CALD1: variants seen among roughly 807,000 people sequenced by gnomAD.
The protein encoded by CALD1 is caldesmon 1.
In CALD1, 33 loss-of-function variants were observed where a neutral mutation model predicts 99.9. The ratio of observed to expected loss-of-function variants is 0.33; its 90% CI spans 0.25 to 0.44. The LOEUF is 0.44. Among genes scored for constraint, CALD1 ranks in the 20% least tolerant of loss-of-function variants. The probability of loss-of-function intolerance (pLI) is 1.00; values close to 1 mark genes in which losing one functional copy is unlikely to be tolerated. For missense variants in CALD1, 861 were observed against 962.1 expected (o/e 0.89, Z 1.39); for synonymous variants, 310 against 325.0 (o/e 0.95, Z 0.50).
At chr7:134,750,697 T>C (rs12539128) in intron 1 of CALD1, among the ~76,000 whole-genome samples, 101,081 of 151,928 alleles carry the variant, frequency 0.67, 34,254 homozygotes, top group East Asian at 0.99. Flanking sequence ...TTGAATTTTT[T>C]CATCACCACT....
chr7:134,764,733 G>A (rs1432003277), intron 1 of CALD1, among the ~76,000 whole-genome samples: 1 of 152,036 alleles, frequency 6.6e-6, no homozygotes, highest in Non-Finnish European at 1.5e-5. Context: ...CTGGGTGCTG[G>A]GATTTTAGAG....
rs372301863 is a variant in CALD1 at position 134,933,557 on chromosome 7, A to C, written c.788A>C (p.Glu263Ala). 8 of 1,613,802 alleles carry C rather than the reference A, an allele frequency of 5.0e-6. No individual in the cohort carries two copies. The highest frequency in any genetic ancestry group is 1.7e-4 in the Middle Eastern group (1 of 6,060). ...GAAAAGATGGAAGAGGAAGACAAGG[A>C]AAGAGCTGAGGCAGAGAGGGCAAGG... ...HHEKMEEEDK[E>A]RAEAERARLE... The change falls in exon 5 of 15, where the codon GAA becomes GCA. Residue 263 changes from glutamate (E) to alanine (A), a missense_variant. Glu to Ala is a moderately radical substitution (Grantham distance 107, BLOSUM62 -1). Transcript: ENST00000361675.
At position 134,847,445 on chromosome 7, in the gene CALD1, T is replaced by A. The variant is rs568034578; in HGVS notation, c.-42+3474T>A. 3.9e-5 allele frequency among the ~76,000 whole-genome samples: 6 copies of A among 152,294 alleles called. No individual in the cohort carries two copies. The East Asian group carries it at 1.2e-3, about 30-fold the overall frequency. On this transcript the variant is annotated intron_variant, in intron 2 of 14. Transcript: ENST00000361675. ...AAGGTCTGGAATCCACTCCCTTCCC[T>A]GGGAGTCTCCTCTCAAGGAGACCAC...
intron 2 of CALD1, among the ~76,000 whole-genome samples, chr7:134,859,141 T>C (rs1332766910): frequency 6.6e-6 from 1 of 152,208 alleles, no homozygotes; most frequent in Non-Finnish European, 1.5e-5. Flanking sequence ...CCACTTCTTC[T>C]CCCTGGCTTT....
chr7:134,899,409 G>A (rs1802819526), intron 3 of CALD1, among the ~76,000 whole-genome samples: 1 of 151,992 alleles, frequency 6.6e-6, no homozygotes, highest in African/African-American at 2.4e-5. Context: ...CACCATGTTG[G>A]CCACGCTGGT....
At position 134,935,573 on chromosome 7, in the gene CALD1, G is replaced by A. The variant is rs117548488; in HGVS notation, c.1309-115G>A. The A allele has an allele frequency of 7.4e-6, 11 of 1,488,994 alleles. 1 individual carries two copies. In the South Asian group the frequency reaches 1.3e-4, roughly 18 times the overall value. The allele number at this position is 1,488,994 out of a possible 1,614,324, so 92.2% of individuals were successfully genotyped here. A position where few individuals can be genotyped will look rare whatever the true frequency, so the allele number is the denominator to read the frequency against. Reference sequence around the variant, plus strand: ...CTGTGCTGTGAGCGCTGAGACGGCAGAAGAGAAGCCATCCCACGCAGCACT... The same window carrying A: ...CTGTGCTGTGAGCGCTGAGACGGCAAAAGAGAAGCCATCCCACGCAGCACT... On this transcript the variant is annotated intron_variant, in intron 5 of 14. Transcript: ENST00000361675.
At chr7:134,882,353 G>T (rs28517513) in intron 3 of CALD1, among the ~76,000 whole-genome samples, 32,211 of 152,004 alleles carry the variant, frequency 0.21, 3,612 homozygotes, top group Non-Finnish European at 0.25. Context: ...GTATTTTTTT[G>T]ATTATTAAGG....
chr7:134,743,061 G>T (rs559332485), upstream of CALD1, among the ~76,000 whole-genome samples: 1 of 152,274 alleles, frequency 6.6e-6, no homozygotes, highest in Admixed American at 6.5e-5. Context: ...AAAGATTTTT[G>T]TTTCTTTCCT....
At chr7:134,805,016 C>T (rs1004234560) in intron 1 of CALD1, among the ~76,000 whole-genome samples, 2 of 152,078 alleles carry the variant, frequency 1.3e-5, no homozygotes, top group Non-Finnish European at 2.9e-5. Context: ...GCTGATTGGT[C>T]GGGTCGGAGA....
chr7:134,912,981 G>A (rs975557608), intron 3 of CALD1, among the ~76,000 whole-genome samples: 12 of 151,970 alleles, frequency 7.9e-5, no homozygotes, highest in Middle Eastern at 3.2e-3. Flanking sequence ...AAAATTAAGC[G>A]GGGCTGAGCG....
chr7:134,958,199 A>G lies in CALD1; in HGVS notation c.1980-10A>G, dbSNP rs778931924. ...CTCATATTTTTATATGTATGTGTTT[A>G]CTTTTTTAGCAGTGGTGTCAAATCG... On this transcript the variant is annotated splice_polypyrimidine_tract_variant and intron_variant, in intron 10 of 14. Coordinates refer to ENST00000361675, the MANE Select transcript of CALD1 (RefSeq NM_033138.4). 11 of 1,613,604 alleles carry G rather than the reference A, an allele frequency of 6.8e-6. No homozygotes were observed. In the Admixed American group the frequency reaches 1.8e-4, roughly 27 times the overall value.
At chr7:134,882,986 G>A (rs1801678130) in intron 3 of CALD1, among the ~76,000 whole-genome samples, 1 of 152,128 alleles carries the variant, frequency 6.6e-6, no homozygotes, top group Non-Finnish European at 1.5e-5. Flanking sequence ...GGAAGAAGGA[G>A]GAGGAGTATT....
chr7:134,871,159 G>T (rs1801055554), intron 3 of CALD1, among the ~76,000 whole-genome samples: 1 of 151,666 alleles, frequency 6.6e-6, no homozygotes. Context: ...TCTCGCTTTT[G>T]GTATTATTGA....
chr7:134,945,106 G>C (rs774823338), intron 7 of CALD1, among the ~76,000 whole-genome samples: 23 of 152,292 alleles, frequency 1.5e-4, no homozygotes, highest in Non-Finnish European at 3.2e-4. Context: ...CATTCTGTCT[G>C]AAGTCTTAAT....
the CALD1 span, among the ~76,000 whole-genome samples, chr7:134,731,180 CTT>C: frequency 6.6e-6 from 1 of 152,150 alleles, no homozygotes; most frequent in Admixed American, 6.5e-5. Flanking sequence ...CTCTCTCTCT[CTT>C]ACCCTCTCTT....
chr7:134,719,587 CGGTAGTT>C, the CALD1 span, among the ~76,000 whole-genome samples: 1 of 152,100 alleles, frequency 6.6e-6, no homozygotes, highest in African/African-American at 2.4e-5. Flanking sequence ...GGAAAGAAAC[CGGTAGTT>C]TGCGAGGGGG....
At chr7:134,892,505 G>A (rs962263164) in intron 3 of CALD1, among the ~76,000 whole-genome samples, 1 of 152,162 alleles carries the variant, frequency 6.6e-6, no homozygotes, top group Admixed American at 6.5e-5. Context: ...TTTTGGCACC[G>A]ATTCAGCATG....
chr7:134,792,971 C>A (rs1797601797), intron 1 of CALD1, among the ~76,000 whole-genome samples: 1 of 152,214 alleles, frequency 6.6e-6, no homozygotes, highest in Non-Finnish European at 1.5e-5. Flanking sequence ...CATTAAAAGT[C>A]AAAAGAGGTT....
At chr7:134,889,733 G>A (rs1414822550) in intron 3 of CALD1, among the ~76,000 whole-genome samples, 2 of 152,184 alleles carry the variant, frequency 1.3e-5, no homozygotes, top group Admixed American at 6.5e-5. Flanking sequence ...GAAGGCAGAT[G>A]TATCTCTACT....
Sources: gnomAD v4.1 joint callset for allele counts (sites outside exome capture counted in the v4.1 genomes callset) on GRCh38, gnomAD v4.1.1 for gene constraint, MANE v1.5 for transcripts, NCBI Gene and HGNC (gene_info 2026-07-23, HGNC 2026-07-21) for gene names.